The following TRIM16 variants were observed in gnomAD, a reference collection of about 807,000 sequenced individuals.
TRIM16 encodes tripartite motif containing 16.
In TRIM16, 33 loss-of-function variants were observed where a neutral mutation model predicts 50.4. The observed-to-expected ratio is 0.65, with a 90% CI of 0.50 to 0.88. TRIM16 has a LOEUF of 0.88. TRIM16 is among the 40% of genes least tolerant of loss of function. TRIM16 has a pLI of 0.00. For synonymous variants in TRIM16, 229 were observed against 270.7 expected, an observed-to-expected ratio of 0.85 and a Z score of 1.51; for missense variants, 581 against 686.8, an observed-to-expected ratio of 0.85 and a Z score of 1.72.
chr17:15,668,984 A>T (rs73978507), intron 6 of TRIM16, among the ~76,000 whole-genome samples: 3,505 of 152,256 alleles, frequency 0.023, 136 homozygotes, highest in African/African-American at 0.079. Context: ...AGGAAATGAA[A>T]AGGCAATTCA....
intron 6 of TRIM16, among the ~76,000 whole-genome samples, chr17:15,666,648 T>C (rs1597660047): frequency 1.3e-5 from 2 of 152,250 alleles, no homozygotes; most frequent in Non-Finnish European, 2.9e-5. Flanking sequence ...TGGAACTTCA[T>C]ATAAATGGAA....
In TRIM16 at chr17:15,651,838, G is replaced by A. The variant is rs1987725593; in HGVS notation, c.-229C>T. 10 of 1,425,220 alleles carry A rather than the reference G, an allele frequency of 7.0e-6. No individual in the cohort carries two copies. The highest frequency in any genetic ancestry group is 1.5e-5 in the South Asian group (1 of 67,040). 88.3% of individuals were successfully genotyped at this position (1,425,220 alleles called of 1,614,324 possible). On this transcript the variant is annotated 5_prime_UTR_variant, in exon 7 of 12. Transcript: ENST00000649191. ...TAGAGTACTCAGGCTCAGGACAGCCGGCTCAGGCTCAGGCTGCCTCCCCAG... is the reference window on the plus strand; with the variant it reads ...TAGAGTACTCAGGCTCAGGACAGCCAGCTCAGGCTCAGGCTGCCTCCCCAG...
chr17:15,633,203 G>A (rs887353699), intron 9 of TRIM16, among the ~76,000 whole-genome samples: 12 of 152,068 alleles, frequency 7.9e-5, no homozygotes, highest in South Asian at 2.1e-4. Flanking sequence ...TTGAAATAAC[G>A]TGTGATCAGG....
In TRIM16 at chr17:15,651,076, TC is replaced by T. The variant is rs775534126; in HGVS notation, c.519+14del. 7 of 1,591,194 alleles carry T rather than the reference TC, an allele frequency of 4.4e-6. No homozygotes were observed. Among genetic ancestry groups the T allele is most frequent in the African/African-American group, 2.7e-5 (2 of 74,658 alleles). ...CGCCCTCTCCCAAATGGATGAATGGTCCCCAAGCACTCACCTCCTTGTCCCT... is the reference window on the plus strand; with the variant it reads ...CGCCCTCTCCCAAATGGATGAATGGTCCCAAGCACTCACCTCCTTGTCCCT... On this transcript the variant is annotated intron_variant, in intron 7 of 11. Coordinates refer to ENST00000649191, the MANE Select transcript of TRIM16 (RefSeq NM_001348119.1).
In TRIM16 at chr17:15,628,519, C is replaced by T; in HGVS notation, c.*96G>A. The T allele has an allele frequency of 7.6e-7, 1 of 1,318,370 alleles. No homozygotes were observed. The allele number at this position is 1,318,370 out of a possible 1,614,324, so 81.7% of individuals were successfully genotyped here. ...AGAGACCCCATAGGATTTCAAAAGCCAGCTACCATCAGCAGTTATTTCTGC... is the reference window on the plus strand; with the variant it reads ...AGAGACCCCATAGGATTTCAAAAGCTAGCTACCATCAGCAGTTATTTCTGC... On this transcript the variant is annotated 3_prime_UTR_variant, in exon 12 of 12. Coordinates refer to ENST00000649191, the MANE Select transcript of TRIM16 (RefSeq NM_001348119.1).
chr17:15,634,101 G>C (rs578146842), intron 9 of TRIM16, among the ~76,000 whole-genome samples: 1 of 147,432 alleles, frequency 6.8e-6, no homozygotes, highest in African/African-American at 2.5e-5. Flanking sequence ...GGGCCGAGGC[G>C]GGTGGATCAC....
intron 6 of TRIM16, among the ~76,000 whole-genome samples, chr17:15,676,435 T>C (rs1420880558): frequency 6.8e-6 from 1 of 148,006 alleles, no homozygotes; most frequent in African/African-American, 2.5e-5. Flanking sequence ...TTTTTTCTTT[T>C]TTTTTTTTTT....
intron 8 of TRIM16, among the ~76,000 whole-genome samples, chr17:15,639,638 G>A (rs1256065014): frequency 6.7e-6 from 1 of 149,580 alleles, no homozygotes; most frequent in African/African-American, 2.5e-5. Flanking sequence ...TCACCCTTGG[G>A]AGGAGGAATA....
At chr17:15,646,113 G>A (rs1303186914) in intron 7 of TRIM16, among the ~76,000 whole-genome samples, 1 of 152,166 alleles carries the variant, frequency 6.6e-6, no homozygotes, top group African/African-American at 2.4e-5. Flanking sequence ...TACCCAGGGA[G>A]CATCGAGAGT....
intron 6 of TRIM16, among the ~76,000 whole-genome samples, chr17:15,656,074 C>A (rs146685191): frequency 6.6e-6 from 1 of 152,098 alleles, no homozygotes; most frequent in East Asian, 1.9e-4. Flanking sequence ...GAGTGGTGGC[C>A]CCTCTGGAGG....
At chr17:15,648,181 G>A (rs1987499429) in intron 7 of TRIM16, among the ~76,000 whole-genome samples, 1 of 149,100 alleles carries the variant, frequency 6.7e-6, no homozygotes, top group Admixed American at 6.7e-5. Context: ...AGCCGAGATT[G>A]CACCGCTGCA....
At chr17:15,658,916 T>C in intron 6 of TRIM16, 2 of 965,024 alleles carry the variant, frequency 2.1e-6, no homozygotes, top group Non-Finnish European at 2.5e-6. Flanking sequence ...CTTTGGTAAT[T>C]AATTACCACT....
At chr17:15,670,982 G>A (rs549022923) in intron 6 of TRIM16, among the ~76,000 whole-genome samples, 77 of 152,318 alleles carry the variant, frequency 5.1e-4, no homozygotes, top group African/African-American at 1.8e-3. Context: ...TTAAGGTTAC[G>A]TGGAGTTTTT....
Position 15,680,972 on chromosome 17 carries a change from A to T in TRIM16, c.-678-19T>A, listed in dbSNP as rs1216079316. ...GGCAGAACTGGAAGGAAATTGACAT[A>T]AAGGAACCTGGTTTATCTTTATGTA... On this transcript the variant is annotated intron_variant, in intron 3 of 11. Transcript: ENST00000649191. 6.8e-7 allele frequency: 1 copy of T among 1,468,544 alleles called. No homozygotes were observed. Among genetic ancestry groups the T allele is most frequent in the East Asian group, 2.5e-5 (1 of 40,342 alleles). The allele number at this position is 1,468,544 out of a possible 1,614,324, so 91.0% of individuals were successfully genotyped here. A position where few individuals can be genotyped will look rare whatever the true frequency, so the allele number is the denominator to read the frequency against.
intron 6 of TRIM16, among the ~76,000 whole-genome samples, chr17:15,676,835 CTTCAT>C (rs1340544378): frequency 6.6e-6 from 1 of 152,134 alleles, no homozygotes; most frequent in South Asian, 2.1e-4. Context: ...CTTTCCTTCT[CTTCAT>C]ATTTCTTATA....
At position 15,628,044 on chromosome 17, in the gene TRIM16, G is replaced by C. The variant is rs1467895710; in HGVS notation, c.*571C>G. 1 of 152,410 alleles carries C rather than the reference G, an allele frequency of 6.6e-6. No homozygotes were observed. The highest frequency in any genetic ancestry group is 1.5e-5 in the Non-Finnish European group (1 of 68,226). The allele number at this position is 152,410 out of a possible 1,614,324, so 9.4% of individuals were successfully genotyped here. On this transcript the variant is annotated 3_prime_UTR_variant, in exon 12 of 12. Transcript: ENST00000649191. ...TAAGGTTCCTGGTCATCCATTCTGGGCACAGTGTGACATTTACCTGAACAG... is the reference window on the plus strand; with the variant it reads ...TAAGGTTCCTGGTCATCCATTCTGGCCACAGTGTGACATTTACCTGAACAG...
intron 6 of TRIM16, among the ~76,000 whole-genome samples, chr17:15,656,085 C>A (rs979818322): frequency 2.6e-5 from 4 of 152,014 alleles, no homozygotes; most frequent in Admixed American, 2.6e-4. Context: ...CCTCTGGAGG[C>A]TCATCTTCAG....
chr17:15,638,762 AG>A (rs1342723692), intron 8 of TRIM16, among the ~76,000 whole-genome samples: 2 of 147,920 alleles, frequency 1.4e-5, no homozygotes, highest in Non-Finnish European at 3.0e-5. Context: ...GAGCACAGTA[AG>A]GAAAGGACTC....
chr17:15,634,198 G>A (rs573844932), intron 9 of TRIM16, among the ~76,000 whole-genome samples: 20 of 144,892 alleles, frequency 1.4e-4, no homozygotes, highest in African/African-American at 3.6e-4. Flanking sequence ...GCGCGGTGGC[G>A]GGCGCCTGTA....
Sources: allele counts gnomAD v4.1 joint callset (sites outside exome capture counted in the v4.1 genomes callset), GRCh38; gene constraint gnomAD v4.1.1; transcripts MANE v1.5; gene names NCBI Gene and HGNC (gene_info 2026-07-23, HGNC 2026-07-21).